UBASH3B: variants seen among roughly 807,000 people sequenced by gnomAD.
UBASH3B encodes ubiquitin associated and SH3 domain containing B, also known as ubiquitin-associated and SH3 domain-containing protein B.
UBASH3B carries 37 observed loss-of-function variants against 83.4 expected under a neutral mutation model. That is an observed-to-expected ratio of 0.44 (90% CI 0.34 to 0.58). UBASH3B has a LOEUF of 0.58. Ranked by LOEUF, UBASH3B falls within the 20% of genes least tolerant of loss-of-function variation. The pLI is 0.01. For synonymous variants in UBASH3B, 304 were observed against 318.3 expected (o/e 0.96, Z 0.48); for missense variants, 657 against 827.2 (o/e 0.79, Z 2.52).
intron 1 of UBASH3B, among the ~76,000 whole-genome samples, chr11:122,725,562 A>AT (rs11394168): frequency 0.86 from 130,461 of 151,688 alleles, 56,205 homozygotes; most frequent in Middle Eastern, 0.93. Flanking sequence ...TGCAGTAGCG[A>AT]CATTATACTC....
rs1861416648 is a variant in UBASH3B, at chr11:122,810,159, T to G, written c.*273T>G. The G allele has an allele frequency of 2.8e-6, 1 of 362,756 alleles. No individual in the cohort carries two copies. Among genetic ancestry groups the G allele is most frequent in the African/African-American group, 2.1e-5 (1 of 48,172 alleles). The allele number at this position is 362,756 out of a possible 1,614,324, so 22.5% of individuals were successfully genotyped here. ...TCGGGGCACCTGCTACAGAAGAGAATGTTTCGTTCCCTCTGGGTATGCACA... is the reference window on the plus strand; with the variant it reads ...TCGGGGCACCTGCTACAGAAGAGAAGGTTTCGTTCCCTCTGGGTATGCACA... On this transcript the variant is annotated 3_prime_UTR_variant, in exon 14 of 14. Coordinates refer to ENST00000284273, the MANE Select transcript of UBASH3B (RefSeq NM_032873.5).
intron 1 of UBASH3B, among the ~76,000 whole-genome samples, chr11:122,676,856 G>T (rs527726030): frequency 2.0e-5 from 3 of 152,102 alleles, no homozygotes; most frequent in Non-Finnish European, 4.4e-5. Flanking sequence ...CCGCCCCCAG[G>T]CTCTTCTGTG....
chr11:122,656,353 G>A, intron 1 of UBASH3B, 143 bp downstream of exon 1: 4 of 866,432 alleles, frequency 4.6e-6, no homozygotes, highest in South Asian at 5.1e-5. Flanking sequence ...CGGGATGGGC[G>A]CGCTGGCAAC....
chr11:122,783,522 A>T (rs1206355777), intron 5 of UBASH3B, among the ~76,000 whole-genome samples: 1 of 152,202 alleles, frequency 6.6e-6, no homozygotes, highest in Non-Finnish European at 1.5e-5. Flanking sequence ...AATAAAAAAT[A>T]TATTGGAAAA....
At chr11:122,786,846 C>T (rs1423373142) in intron 5 of UBASH3B, among the ~76,000 whole-genome samples, 2 of 152,242 alleles carry the variant, frequency 1.3e-5, no homozygotes, top group Admixed American at 6.5e-5. Context: ...TGCTACAATG[C>T]CTTAATTCTT....
At chr11:122,662,443 T>C (rs1313211448) in intron 1 of UBASH3B, among the ~76,000 whole-genome samples, 4 of 151,396 alleles carry the variant, frequency 2.6e-5, no homozygotes, top group Non-Finnish European at 5.9e-5. Flanking sequence ...TTTTTTTTTT[T>C]TTTGAGACAG....
intron 1 of UBASH3B, among the ~76,000 whole-genome samples, chr11:122,736,914 A>C (rs1313126652): frequency 1.3e-5 from 2 of 152,186 alleles, no homozygotes; most frequent in African/African-American, 4.8e-5. Context: ...GAAATGAAGA[A>C]ATGAAAGGAA....
intron 6 of UBASH3B, 117 bp from the exon 7 acceptor site, chr11:122,794,585 T>C (rs2135170665): frequency 7.7e-7 from 1 of 1,300,728 alleles, no homozygotes; most frequent in East Asian, 2.3e-5. Context: ...GCATCCCCCA[T>C]CATTGTGCTA....
chr11:122,780,827 G>A (rs1460209054), intron 4 of UBASH3B, among the ~76,000 whole-genome samples: 3 of 152,306 alleles, frequency 2.0e-5, no homozygotes, highest in Middle Eastern at 3.4e-3. Context: ...AGTGGAAGCC[G>A]AGTGCTGAGT....
At chr11:122,737,266 A>G (rs139961368) in intron 1 of UBASH3B, among the ~76,000 whole-genome samples, 1 of 152,326 alleles carries the variant, frequency 6.6e-6, no homozygotes, top group African/African-American at 2.4e-5. Flanking sequence ...TAAATTGGAA[A>G]GGGCAAAACC....
chr11:122,753,612 T>G (rs1458118259), intron 1 of UBASH3B, among the ~76,000 whole-genome samples: 5 of 147,784 alleles, frequency 3.4e-5, no homozygotes, highest in Non-Finnish European at 1.5e-5. Flanking sequence ...TTCTCCTGCC[T>G]CAGCCTCCCG....
At chr11:122,788,022 C>T (rs923162447) in intron 5 of UBASH3B, among the ~76,000 whole-genome samples, 1 of 152,142 alleles carries the variant, frequency 6.6e-6, no homozygotes, top group Non-Finnish European at 1.5e-5. Context: ...TACCTTCATG[C>T]CTATACCTGT....
At chr11:122,802,116 A>C (rs1041481143) in intron 11 of UBASH3B, among the ~76,000 whole-genome samples, 1 of 152,244 alleles carries the variant, frequency 6.6e-6, no homozygotes, top group Admixed American at 6.5e-5. Context: ...GGAGATCAAG[A>C]CCAGCCTGTC....
intron 1 of UBASH3B, among the ~76,000 whole-genome samples, chr11:122,738,413 A>G (rs1050076349): frequency 5.3e-5 from 8 of 152,208 alleles, no homozygotes; most frequent in Non-Finnish European, 1.2e-4. Flanking sequence ...AGTTCCAGGG[A>G]GGAAGAGATA....
intron 1 of UBASH3B, chr11:122,726,060 G>C (rs913446247): frequency 6.6e-6 from 1 of 152,160 alleles, no homozygotes; most frequent in African/African-American, 2.4e-5. Flanking sequence ...CATGCTCATG[G>C]TTCAAAGAAC....
At chr11:122,657,877 A>G (rs1368920739) in intron 1 of UBASH3B, among the ~76,000 whole-genome samples, 4 of 152,132 alleles carry the variant, frequency 2.6e-5, no homozygotes, top group Non-Finnish European at 5.9e-5. Flanking sequence ...TGGATGATCA[A>G]TGTGCACAGC....
chr11:122,673,894 T>C (rs957829628), intron 1 of UBASH3B, among the ~76,000 whole-genome samples: 1 of 152,240 alleles, frequency 6.6e-6, no homozygotes, highest in Non-Finnish European at 1.5e-5. Flanking sequence ...ACTGCTGGAC[T>C]CCTGCCAGAA....
At chr11:122,671,057 C>T (rs1458198956) in intron 1 of UBASH3B, among the ~76,000 whole-genome samples, 1 of 152,080 alleles carries the variant, frequency 6.6e-6, no homozygotes, top group Non-Finnish European at 1.5e-5. Flanking sequence ...GCCACCACAC[C>T]CTGCTAGAAG....
At chr11:122,669,362 C>G (rs981272488) in intron 1 of UBASH3B, among the ~76,000 whole-genome samples, 2 of 152,206 alleles carry the variant, frequency 1.3e-5, no homozygotes, top group Non-Finnish European at 2.9e-5. Flanking sequence ...TCCTCATCAT[C>G]ATCACCTCCT....
Sources: allele counts gnomAD v4.1 joint callset (sites outside exome capture counted in the v4.1 genomes callset), GRCh38; gene constraint gnomAD v4.1.1; transcripts MANE v1.5; gene names NCBI Gene and HGNC (gene_info 2026-07-23, HGNC 2026-07-21).